Variants in KCNQ5 observed in about 807,000 individuals in gnomAD.
The protein encoded by KCNQ5 is potassium voltage-gated channel subfamily Q member 5, also known as potassium voltage-gated channel subfamily KQT member 5.
In KCNQ5, 30 loss-of-function variants were observed where a neutral mutation model predicts 98.2. The observed-to-expected ratio is 0.31, with a 90% confidence interval of 0.23 to 0.41. KCNQ5 has a LOEUF of 0.41. KCNQ5 is among the 10% of genes least tolerant of loss of function. The probability of loss-of-function intolerance (pLI) is 1.00; values close to 1 mark genes in which losing one functional copy is unlikely to be tolerated. For missense variants in KCNQ5, 835 were observed against 1,182.5 expected (o/e 0.71, Z 4.31); for synonymous variants, 458 against 449.4 (o/e 1.02, Z -0.24).
intron 1 of KCNQ5, among the ~76,000 whole-genome samples, chr6:72,876,069 G>C (rs1226561728): frequency 6.6e-6 from 1 of 151,814 alleles, no homozygotes; most frequent in Non-Finnish European, 1.5e-5. Context: ...TGGTATCTTA[G>C]GGGAGATGTC....
chr6:73,158,161 C>T, intron 10 of KCNQ5: 1 of 344,976 alleles, frequency 2.9e-6, no homozygotes, highest in Non-Finnish European at 5.6e-6. Context: ...GGGGGCGGGG[C>T]GGCGGGAAGG....
intron 5 of KCNQ5, among the ~76,000 whole-genome samples, chr6:73,097,477 C>T (rs945126941): frequency 6.6e-6 from 1 of 152,074 alleles, no homozygotes; most frequent in Non-Finnish European, 1.5e-5. Context: ...AAGCCAATAG[C>T]TAACATTATA....
intron 1 of KCNQ5, among the ~76,000 whole-genome samples, chr6:72,976,661 G>A (rs1003871325): frequency 6.6e-6 from 1 of 152,112 alleles, no homozygotes; most frequent in Non-Finnish European, 1.5e-5. Context: ...AGTCATTAGT[G>A]GTCATTTTAA....
At chr6:73,020,634 A>T (rs897006678) in intron 2 of KCNQ5, among the ~76,000 whole-genome samples, 1 of 152,118 alleles carries the variant, frequency 6.6e-6, no homozygotes, top group Non-Finnish European at 1.5e-5. Context: ...GGTGGGATTA[A>T]AAGTCCCAAC....
intron 10 of KCNQ5, among the ~76,000 whole-genome samples, chr6:73,143,908 C>CA (rs1346380747): frequency 6.6e-6 from 1 of 152,140 alleles, no homozygotes; most frequent in Non-Finnish European, 1.5e-5. Context: ...CAAAATTAAC[C>CA]ATTACACAAA....
chr6:72,883,434 A>G (rs117537335), intron 1 of KCNQ5, among the ~76,000 whole-genome samples: 1,925 of 152,264 alleles, frequency 0.013, 19 homozygotes, highest in Non-Finnish European at 0.021. Flanking sequence ...ATTAAAAAAA[A>G]TCCCTGAAAC....
chr6:72,734,730 A>G (rs927130733), intron 1 of KCNQ5, among the ~76,000 whole-genome samples: 11 of 152,304 alleles, frequency 7.2e-5, no homozygotes, highest in Admixed American at 6.5e-5. Flanking sequence ...TGCAATTTAT[A>G]TATCACAAAC....
At chr6:72,758,904 G>GGT (rs1772109984) in intron 1 of KCNQ5, among the ~76,000 whole-genome samples, 1 of 152,088 alleles carries the variant, frequency 6.6e-6, no homozygotes, top group Non-Finnish European at 1.5e-5. Context: ...TATGATTAAA[G>GGT]GAATAAAGCC....
At chr6:72,983,799 A>G (rs1768599702) in intron 1 of KCNQ5, among the ~76,000 whole-genome samples, 1 of 151,620 alleles carries the variant, frequency 6.6e-6, no homozygotes, top group Non-Finnish European at 1.5e-5. Flanking sequence ...GTTTCTCCCC[A>G]TCTTCGTGGT....
intron 1 of KCNQ5, among the ~76,000 whole-genome samples, chr6:72,729,724 A>G (rs1036008196): frequency 2.0e-5 from 3 of 152,194 alleles, no homozygotes; most frequent in Non-Finnish European, 1.5e-5. Flanking sequence ...TGCTCAATGA[A>G]GTGAAAATGA....
At chr6:73,175,657 C>A (rs75401994) in intron 11 of KCNQ5, among the ~76,000 whole-genome samples, 1 of 152,328 alleles carries the variant, frequency 6.6e-6, no homozygotes, top group East Asian at 1.9e-4. Context: ...AAAACTCTTC[C>A]CAGCGTTCAG....
At chr6:72,686,717 G>GTTTTTTTT (rs1554688157) in intron 1 of KCNQ5, among the ~76,000 whole-genome samples, 227 of 97,214 alleles carry the variant, frequency 2.3e-3, no homozygotes, top group East Asian at 1.0e-2. Flanking sequence ...TTTATGGGTT[G>GTTTTTTTT]TTTTTTTTTT....
At chr6:72,835,445 T>C (rs1378515790) in intron 1 of KCNQ5, among the ~76,000 whole-genome samples, 2 of 152,106 alleles carry the variant, frequency 1.3e-5, no homozygotes, top group African/African-American at 2.4e-5. Flanking sequence ...ATCAGATGTC[T>C]AGGAAGCAAA....
At chr6:73,003,096 A>T (rs537378786) in intron 1 of KCNQ5, among the ~76,000 whole-genome samples, 2 of 152,316 alleles carry the variant, frequency 1.3e-5, no homozygotes, top group East Asian at 3.9e-4. Flanking sequence ...AAAATAAGTA[A>T]CTTCAACTTT....
chr6:73,125,307 TCTGTG>T, intron 9 of KCNQ5: 1 of 365,022 alleles, frequency 2.7e-6, no homozygotes, highest in Non-Finnish European at 5.6e-6. Flanking sequence ...AATTTCTTGA[TCTGTG>T]TTAATGAGTA....
rs146648074 is a variant in KCNQ5, at chr6:72,648,447, T to C, written c.398+25860T>C. On this transcript the variant is annotated intron_variant, in intron 1 of 13. Coordinates refer to ENST00000370398, the MANE Select transcript of KCNQ5 (RefSeq NM_019842.4). Reference sequence around the variant, plus strand: ...TGAATTAGAGCTACATGAATCTATATTGATATATCTAAAGCCTAATGTTGA... The same window carrying C: ...TGAATTAGAGCTACATGAATCTATACTGATATATCTAAAGCCTAATGTTGA... Among the ~76,000 whole-genome samples, 766 of 152,266 alleles carry C rather than the reference T, an allele frequency of 5.0e-3. 7 individuals are homozygous for C. Among genetic ancestry groups the C allele is most frequent in the Non-Finnish European group, 7.6e-3 (516 of 68,004 alleles).
chr6:72,995,101 G>A (rs568090897), intron 1 of KCNQ5, among the ~76,000 whole-genome samples: 1 of 152,178 alleles, frequency 6.6e-6, no homozygotes, highest in South Asian at 2.1e-4. Flanking sequence ...AGGCACAGTG[G>A]CTCATGCCTG....
intron 1 of KCNQ5, among the ~76,000 whole-genome samples, chr6:72,963,547 A>G (rs1767473332): frequency 6.6e-6 from 1 of 152,240 alleles, no homozygotes; most frequent in South Asian, 2.1e-4. Flanking sequence ...ATTGTTTAGC[A>G]AATAAATATA....
At chr6:73,051,151 G>T (rs1772215733) in intron 3 of KCNQ5, among the ~76,000 whole-genome samples, 1 of 152,168 alleles carries the variant, frequency 6.6e-6, no homozygotes, top group African/African-American at 2.4e-5. Context: ...ATATAGAAAT[G>T]CCAATGCAAA....
Sources: gnomAD v4.1 joint callset for allele counts (sites outside exome capture counted in the v4.1 genomes callset) on GRCh38, gnomAD v4.1.1 for gene constraint, MANE v1.5 for transcripts, NCBI Gene and HGNC (gene_info 2026-07-23, HGNC 2026-07-21) for gene names.